Variants in COL5A2 observed in about 807,000 individuals in gnomAD.
COL5A2 encodes the protein collagen type V alpha 2 chain, also known as collagen alpha-2(V) chain.
Under a neutral mutation model 208.2 loss-of-function variants are expected in COL5A2, and 23 were observed. The observed-to-expected ratio is 0.11, with a 90% confidence interval of 0.08 to 0.16. COL5A2 has a LOEUF of 0.16. Among genes scored for constraint, COL5A2 ranks in the 10% least tolerant of loss-of-function variants. COL5A2 has a pLI of 1.00. For missense variants in COL5A2, 1,590 were observed against 1,956.4 expected (o/e 0.81, Z 3.53); for synonymous variants, 625 against 628.5 (o/e 0.99, Z 0.08).
intron 1 of COL5A2, among the ~76,000 whole-genome samples, chr2:189,142,617 A>G (rs7588367): frequency 0.018 from 2,786 of 152,196 alleles, 86 homozygotes; most frequent in African/African-American, 0.063. Flanking sequence ...TTCTCTCCAT[A>G]TTTTACCTTA....
chr2:189,426,302 T>C, the COL5A2 span, among the ~76,000 whole-genome samples: 1 of 152,162 alleles, frequency 6.6e-6, no homozygotes. Context: ...TAGGACTGCC[T>C]CCCATTCTAT....
chr2:189,220,236 C>G (rs949519898), intron 1 of COL5A2, among the ~76,000 whole-genome samples: 20 of 152,274 alleles, frequency 1.3e-4, no homozygotes, highest in African/African-American at 4.6e-4. Context: ...AGTCATAACA[C>G]CCATTTTCTC....
the COL5A2 span, among the ~76,000 whole-genome samples, chr2:189,315,278 A>G: frequency 6.6e-6 from 1 of 152,238 alleles, no homozygotes; most frequent in African/African-American, 2.4e-5. Flanking sequence ...GATTGGTTCA[A>G]TATACACAAG....
intron 1 of COL5A2, among the ~76,000 whole-genome samples, chr2:189,202,782 C>A (rs1689094377): frequency 1.3e-5 from 2 of 151,998 alleles, no homozygotes; most frequent in Admixed American, 1.3e-4. Flanking sequence ...GATAAGAGGG[C>A]AGGAAAGTGG....
Position 189,048,214 on chromosome 2 carries a change from C to T in COL5A2, c.3196G>A (p.Glu1066Lys), listed in dbSNP as rs779213867. 3 of 1,613,876 alleles carry T rather than the reference C, an allele frequency of 1.9e-6. No individual in the cohort carries two copies. The highest frequency in any genetic ancestry group is 2.5e-6 in the Non-Finnish European group (3 of 1,179,796). ...GTPGRDGAVG[E>K]RGDRGDPGPA... ...ATAAGTGAAATGGCTCTTACACGTT[C>T]TCCAACAGCACCATCCCGTCCTGGG... Residue 1066 changes from glutamate (E) to lysine (K), a missense_variant, in exon 45 of 54, where the codon GAA becomes AAA. Glu to Lys is a moderately conservative substitution (Grantham distance 56, BLOSUM62 1). Transcript: ENST00000374866.
chr2:189,289,286 A>G, the COL5A2 span, among the ~76,000 whole-genome samples: 1 of 152,172 alleles, frequency 6.6e-6, no homozygotes, highest in African/African-American at 2.4e-5. Flanking sequence ...GGTTGCAGTG[A>G]GCAAAGATTG....
At chr2:189,201,387 T>C (rs1017959402) in intron 1 of COL5A2, among the ~76,000 whole-genome samples, 9 of 151,646 alleles carry the variant, frequency 5.9e-5, no homozygotes, top group African/African-American at 2.2e-4. Context: ...ATTCAAAAAT[T>C]GGAAGATACA....
chr2:189,410,015 A>G, the COL5A2 span, among the ~76,000 whole-genome samples: 1 of 152,330 alleles, frequency 6.6e-6, no homozygotes, highest in South Asian at 2.1e-4. Flanking sequence ...TGTATTCTGT[A>G]CATGAAATAC....
chr2:189,163,613 T>C (rs1331515099), intron 1 of COL5A2, among the ~76,000 whole-genome samples: 1 of 152,248 alleles, frequency 6.6e-6, no homozygotes, highest in Non-Finnish European at 1.5e-5. Flanking sequence ...TGAATTGATC[T>C]AAACTTCAAA....
At chr2:189,104,027 C>T (rs1025411106) in intron 3 of COL5A2, among the ~76,000 whole-genome samples, 2 of 152,098 alleles carry the variant, frequency 1.3e-5, no homozygotes, top group East Asian at 3.9e-4. Flanking sequence ...AAAGATGTCA[C>T]AACTTTCTGG....
the COL5A2 span, among the ~76,000 whole-genome samples, chr2:189,256,881 G>T: frequency 6.6e-6 from 1 of 152,160 alleles, no homozygotes; most frequent in East Asian, 1.9e-4. Flanking sequence ...GCCTGCCTCG[G>T]CCTCCCAAAG....
chr2:189,187,311 C>T (rs1020548339), intron 1 of COL5A2, among the ~76,000 whole-genome samples: 2 of 152,154 alleles, frequency 1.3e-5, no homozygotes, highest in Non-Finnish European at 2.9e-5. Flanking sequence ...GCACTCTATC[C>T]ACTGTACCTT....
chr2:189,191,687 C>T (rs1688933078), intron 1 of COL5A2, among the ~76,000 whole-genome samples: 1 of 152,020 alleles, frequency 6.6e-6, no homozygotes, highest in South Asian at 2.1e-4. Context: ...TGCAATGAAT[C>T]TCAACCTTAA....
the COL5A2 span, among the ~76,000 whole-genome samples, chr2:189,277,132 A>T: frequency 3.3e-5 from 5 of 152,164 alleles, no homozygotes; most frequent in Admixed American, 3.3e-4. Context: ...TAGAAATGAA[A>T]CTAGGCAATA....
the COL5A2 span, among the ~76,000 whole-genome samples, chr2:189,398,798 T>C: frequency 2.6e-5 from 4 of 152,212 alleles, no homozygotes; most frequent in Admixed American, 2.6e-4. Context: ...TATTGTTTTC[T>C]TTTTCTTGCA....
chr2:189,328,810 C>T, the COL5A2 span, among the ~76,000 whole-genome samples: 1 of 152,166 alleles, frequency 6.6e-6, no homozygotes, highest in Non-Finnish European at 1.5e-5. Flanking sequence ...AAAGCCTATG[C>T]CTGTAAGTGG....
the COL5A2 span, among the ~76,000 whole-genome samples, chr2:189,395,178 C>G: frequency 6.6e-6 from 1 of 152,194 alleles, no homozygotes; most frequent in African/African-American, 2.4e-5. Flanking sequence ...AAGATTTTAA[C>G]AATTTCTGTG....
In COL5A2 at chr2:189,078,509, T is replaced by C. The variant is rs1022737137; in HGVS notation, c.1059+7A>G. The C allele has an allele frequency of 6.2e-7, 1 of 1,606,062 alleles. No individual in the cohort carries two copies. Among genetic ancestry groups the C allele is most frequent in the Non-Finnish European group, 8.5e-7 (1 of 1,172,814 alleles). The stretch of plus-strand genomic sequence containing the variant: ...TCAGCAGTATAAGTAAAAGCAGATA[T>C]ACTTACAGGAGCACCCTGTGGCCCA... On this transcript the variant is annotated splice_region_variant and intron_variant, in intron 16 of 53. Transcript: ENST00000374866.
In COL5A2 at chr2:189,076,231, C is replaced by T. The variant is rs1055325432; in HGVS notation, c.1060-794G>A. On this transcript the variant is annotated intron_variant, in intron 16 of 53. Transcript: ENST00000374866. ...CAAGTCACTTTTTTGAGGCTGTTTC[C>T]TAGGAAACCTGACCTAAGACCCTAA... Among the ~76,000 whole-genome samples, 13 of 152,070 alleles carry T rather than the reference C, an allele frequency of 8.5e-5. 1 individual carries two copies. The highest frequency in any genetic ancestry group is 3.1e-4 in the African/African-American group (13 of 41,416).
Sources: allele counts gnomAD v4.1 joint callset (sites outside exome capture counted in the v4.1 genomes callset), GRCh38; gene constraint gnomAD v4.1.1; transcripts MANE v1.5; gene names NCBI Gene and HGNC (gene_info 2026-07-23, HGNC 2026-07-21).